ASB4: variants seen among roughly 807,000 people sequenced by gnomAD.
ASB4 encodes ankyrin repeat and SOCS box protein 4.
Under a neutral mutation model 38.6 loss-of-function variants are expected in ASB4, and 35 were observed. The observed-to-expected ratio is 0.91, with a 90% CI of 0.69 to 1.20. The LOEUF (loss-of-function observed/expected upper bound fraction) is 1.20. Ranked by LOEUF, ASB4 falls within the 50% of genes most tolerant of loss-of-function variation. The pLI is 0.00. For missense variants in ASB4, 557 were observed against 527.2 expected (o/e 1.06, Z -0.55); for synonymous variants, 195 against 201.3 (o/e 0.97, Z 0.26).
chr7:95,522,558 G>A (rs1327635290), intron 2 of ASB4, among the ~76,000 whole-genome samples: 1 of 152,138 alleles, frequency 6.6e-6, no homozygotes, highest in Non-Finnish European at 1.5e-5. Flanking sequence ...AAAAGATTAT[G>A]TGTAGATGAT....
At chr7:95,541,765 G>A (rs1584101197), downstream of ASB4, among the ~76,000 whole-genome samples, 5 of 152,294 alleles carry the variant, frequency 3.3e-5, no homozygotes, top group Admixed American at 3.3e-4. Flanking sequence ...TCCATCTTCA[G>A]TGGGGGAAAG....
chr7:95,494,137 G>A (rs761846987), intron 1 of ASB4, among the ~76,000 whole-genome samples: 1 of 152,160 alleles, frequency 6.6e-6, no homozygotes, highest in African/African-American at 2.4e-5. Flanking sequence ...ACCCAGGAGT[G>A]GCATGTCTCT....
chr7:95,541,234 G>C (rs1790965682), downstream of ASB4, among the ~76,000 whole-genome samples: 1 of 152,126 alleles, frequency 6.6e-6, no homozygotes, highest in South Asian at 2.1e-4. Context: ...TGTAAAATGA[G>C]AATAGTCACG....
At chr7:95,506,732 T>C (rs1449409800) in intron 2 of ASB4, among the ~76,000 whole-genome samples, 1 of 149,950 alleles carries the variant, frequency 6.7e-6, no homozygotes, top group East Asian at 2.0e-4. Flanking sequence ...AATTTCACAA[T>C]GAACTGTCTT....
At chr7:95,536,661 G>A (rs74990682) in intron 4 of ASB4, 111 bp downstream of exon 4, 7,112 of 611,166 alleles carry the variant, frequency 0.012, 330 homozygotes, top group African/African-American at 0.11. Context: ...CCTTTAAAGC[G>A]TACTCAAATG....
chr7:95,509,141 AG>A (rs1343232951), intron 2 of ASB4, among the ~76,000 whole-genome samples: 2 of 152,178 alleles, frequency 1.3e-5, no homozygotes, highest in African/African-American at 4.8e-5. Flanking sequence ...AATGTGAGTT[AG>A]GTGCTAAAAT....
upstream of ASB4, among the ~76,000 whole-genome samples, chr7:95,477,413 T>A (rs1381379150): frequency 6.6e-6 from 1 of 152,204 alleles, no homozygotes; most frequent in East Asian, 1.9e-4. Context: ...AAATAATAAT[T>A]GAACATTGCT....
At chr7:95,511,890 T>A (rs1339518391) in intron 2 of ASB4, among the ~76,000 whole-genome samples, 1 of 152,180 alleles carries the variant, frequency 6.6e-6, no homozygotes, top group Non-Finnish European at 1.5e-5. Flanking sequence ...TGGTGCTGCC[T>A]TCCCTTTGCT....
the ASB4 span, among the ~76,000 whole-genome samples, chr7:95,545,801 C>T: frequency 6.6e-6 from 1 of 152,178 alleles, no homozygotes; most frequent in Non-Finnish European, 1.5e-5. Flanking sequence ...ACCAAAGAGA[C>T]AGGAGAAAAG....
chr7:95,546,443 G>GT, the ASB4 span, among the ~76,000 whole-genome samples: 1 of 152,080 alleles, frequency 6.6e-6, no homozygotes, highest in South Asian at 2.1e-4. Flanking sequence ...CTGCGTTGGA[G>GT]CAAGGTTGAC....
intron 2 of ASB4, among the ~76,000 whole-genome samples, chr7:95,525,210 C>T (rs1006332760): frequency 4.6e-5 from 7 of 152,182 alleles, no homozygotes; most frequent in African/African-American, 1.4e-4. Flanking sequence ...AAGAAACCAA[C>T]CCTAGACACT....
intron 3 of ASB4, among the ~76,000 whole-genome samples, chr7:95,529,031 G>A (rs1319015375): frequency 6.6e-6 from 1 of 152,082 alleles, no homozygotes; most frequent in Non-Finnish European, 1.5e-5. Context: ...GGCTGGTAGG[G>A]ACCAGTTGCT....
upstream of ASB4, among the ~76,000 whole-genome samples, chr7:95,485,036 G>A (rs550571770): frequency 5.4e-5 from 8 of 148,202 alleles, no homozygotes; most frequent in Middle Eastern, 3.6e-3. Context: ...ATGTATATAT[G>A]TATATATATG....
chr7:95,495,040 A>G (rs1790224162), intron 1 of ASB4, among the ~76,000 whole-genome samples: 1 of 152,136 alleles, frequency 6.6e-6, no homozygotes, highest in Admixed American at 6.6e-5. Flanking sequence ...AGTGTATAGG[A>G]TACAGTTTAT....
chr7:95,486,592 C>T (rs2116574050), intron 1 of ASB4, among the ~76,000 whole-genome samples: 1 of 152,292 alleles, frequency 6.6e-6, no homozygotes, highest in East Asian at 1.9e-4. Context: ...TCTCTATGTC[C>T]ATGTGGATGA....
intron 3 of ASB4, among the ~76,000 whole-genome samples, chr7:95,530,909 G>A (rs1276577210): frequency 1.3e-5 from 2 of 152,176 alleles, no homozygotes; most frequent in Non-Finnish European, 2.9e-5. Context: ...AATAGTGAAG[G>A]TGGTGAGAAT....
intron 2 of ASB4, among the ~76,000 whole-genome samples, chr7:95,515,187 T>G (rs569263668): frequency 8.2e-6 from 1 of 121,872 alleles, no homozygotes; most frequent in Non-Finnish European, 1.6e-5. Flanking sequence ...CTTTCTTTCT[T>G]TCTTTCTTTC....
chr7:95,489,491 T>C (rs1256527155), intron 1 of ASB4, among the ~76,000 whole-genome samples: 1 of 152,258 alleles, frequency 6.6e-6, no homozygotes, highest in Non-Finnish European at 1.5e-5. Flanking sequence ...TTTTCTAAGT[T>C]ATTTTAAGCT....
intron 1 of ASB4, among the ~76,000 whole-genome samples, chr7:95,491,168 T>C (rs1283301859): frequency 6.6e-6 from 1 of 152,234 alleles, no homozygotes; most frequent in African/African-American, 2.4e-5. Context: ...AAACAGATTA[T>C]GTATCATGGT....
Sources: gnomAD v4.1 joint callset for allele counts (sites outside exome capture counted in the v4.1 genomes callset) on GRCh38, gnomAD v4.1.1 for gene constraint, MANE v1.5 for transcripts, NCBI Gene and HGNC (gene_info 2026-07-23, HGNC 2026-07-21) for gene names.